PDS5B: variants seen among roughly 807,000 people sequenced by gnomAD.
PDS5B encodes PDS5 cohesin associated factor B.
A neutral mutation model predicts 184.1 loss-of-function variants in PDS5B; 51 were observed. The ratio of observed to expected loss-of-function variants is 0.28; its 90% CI spans 0.22 to 0.35. The LOEUF (loss-of-function observed/expected upper bound fraction) is 0.35. Ranked by LOEUF, PDS5B falls within the 10% of genes least tolerant of loss-of-function variation. The pLI is 1.00. For synonymous variants in PDS5B, 566 were observed against 569.2 expected, an observed-to-expected ratio of 0.99 and a Z score of 0.08; for missense variants, 1,180 against 1,723.3, an observed-to-expected ratio of 0.68 and a Z score of 5.58.
intron 10 of PDS5B, among the ~76,000 whole-genome samples, chr13:32,679,592 T>G (rs1293589736): frequency 6.6e-6 from 1 of 151,696 alleles, no homozygotes; most frequent in Non-Finnish European, 1.5e-5. Context: ...GCTGAGATTG[T>G]GCCATTGCAC....
chr13:32,690,634 A>G (rs1566332436), intron 13 of PDS5B: 1 of 152,206 alleles, frequency 6.6e-6, no homozygotes, highest in African/African-American at 2.4e-5. Flanking sequence ...TACACAAAGT[A>G]TAGTTGTTAT....
intron 18 of PDS5B, among the ~76,000 whole-genome samples, chr13:32,708,454 ATATCT>A (rs1156707899): frequency 1.3e-5 from 2 of 152,168 alleles, no homozygotes; most frequent in African/African-American, 4.8e-5. Flanking sequence ...TCTCTTGGTA[ATATCT>A]TATTTTTTAG....
chr13:32,673,612 G>A (rs1312853314), intron 8 of PDS5B, among the ~76,000 whole-genome samples: 2 of 152,104 alleles, frequency 1.3e-5, no homozygotes, highest in African/African-American at 2.4e-5. Context: ...ATAAATTCTA[G>A]GATTTGACTA....
intron 18 of PDS5B, among the ~76,000 whole-genome samples, chr13:32,708,734 A>C (rs769340959): frequency 1.3e-5 from 2 of 152,116 alleles, no homozygotes; most frequent in African/African-American, 4.8e-5. Flanking sequence ...TGTTTTCCCT[A>C]TGGTCATTTT....
rs1324382029 is a variant in PDS5B at position 32,667,803 on chromosome 13, C to A, written c.664C>A (p.Leu222Met). 1 of 1,596,242 alleles carries A rather than the reference C, an allele frequency of 6.3e-7. No individual in the cohort carries two copies. The highest frequency in any genetic ancestry group is 8.5e-7 in the Non-Finnish European group (1 of 1,172,732). ...AGCATATGATTTGGCAAAGGCTTTA[C>A]TGAAGAGGACAGCTCAAGCTATTGA... is the stretch of plus-strand genomic sequence containing the variant. Reference protein sequence around the residue: ...KQAYDLAKALLKRTAQAIEPY... With the variant: ...KQAYDLAKALMKRTAQAIEPY... The change falls in exon 7 of 35, where the codon CTG (leucine) becomes ATG (methionine). Residue 222 changes from leucine (L) to methionine (M), a missense_variant. By Grantham distance (15) the Leu-to-Met change is conservative (BLOSUM62 2). Around this residue, in one of 11 missense-constraint regions of PDS5B, gnomAD observed 79 missense variants for 124.6 expected, o/e 0.63. Transcript: ENST00000315596.
intron 26 of PDS5B, 128 bp from the exon 27 acceptor site, chr13:32,757,959 C>A (rs1330548886): frequency 5.8e-6 from 2 of 342,732 alleles, no homozygotes; most frequent in Non-Finnish European, 1.0e-5. Context: ...GTAACTGTTT[C>A]TTTTTTTTTT....
chr13:32,729,028 A>G (rs1411527307), intron 19 of PDS5B, among the ~76,000 whole-genome samples: 1 of 152,142 alleles, frequency 6.6e-6, no homozygotes, highest in Non-Finnish European at 1.5e-5. Flanking sequence ...TACTGCACCC[A>G]TCAACCTGTC....
At chr13:32,707,133 G>A (rs946393731) in intron 18 of PDS5B, 94 bp downstream of exon 18, 10 of 645,108 alleles carry the variant, frequency 1.6e-5, no homozygotes, top group Non-Finnish European at 2.0e-5. Context: ...TCTTAAGTTT[G>A]TATAATCCAA....
intron 5 of PDS5B, among the ~76,000 whole-genome samples, chr13:32,658,738 C>T (rs1950575841): frequency 6.6e-6 from 1 of 152,092 alleles, no homozygotes; most frequent in Admixed American, 6.5e-5. Context: ...GGCATAAGGC[C>T]AGTGTAAAAT....
intron 19 of PDS5B, among the ~76,000 whole-genome samples, chr13:32,719,249 C>G (rs1055270660): frequency 6.6e-6 from 1 of 152,166 alleles, no homozygotes; most frequent in Non-Finnish European, 1.5e-5. Flanking sequence ...GTGGCTCAAT[C>G]ATGGCCCACT....
intron 21 of PDS5B, among the ~76,000 whole-genome samples, chr13:32,739,328 G>T (rs1454135535): frequency 1.3e-5 from 2 of 151,856 alleles, no homozygotes. Flanking sequence ...CCACTGATGC[G>T]TTTGCCCATC....
At chr13:32,655,441 C>T (rs1214147204) in intron 3 of PDS5B, among the ~76,000 whole-genome samples, 9 of 136,740 alleles carry the variant, frequency 6.6e-5, no homozygotes, top group Admixed American at 4.0e-4. Context: ...TGCAGTGGTG[C>T]GATCTTGGCT....
chr13:32,741,970 C>A (rs980776722), intron 22 of PDS5B, among the ~76,000 whole-genome samples: 1 of 152,086 alleles, frequency 6.6e-6, no homozygotes, highest in Non-Finnish European at 1.5e-5. Flanking sequence ...TACCAACTTA[C>A]CAGTTGGTAG....
intron 10 of PDS5B, among the ~76,000 whole-genome samples, chr13:32,679,920 T>TGTGTCTG (rs60492142): frequency 6.6e-6 from 1 of 151,756 alleles, no homozygotes; most frequent in Non-Finnish European, 1.5e-5. Context: ...TGTGTGTCTG[T>TGTGTCTG]TTCTACACCT....
chr13:32,637,416 T>C (rs1345082488), intron 1 of PDS5B, among the ~76,000 whole-genome samples: 1 of 152,106 alleles, frequency 6.6e-6, no homozygotes, highest in African/African-American at 2.4e-5. Context: ...GAGGATTTTT[T>C]TGGAGGGAGA....
At chr13:32,722,222 G>A (rs1232122495) in intron 19 of PDS5B, among the ~76,000 whole-genome samples, 3 of 152,214 alleles carry the variant, frequency 2.0e-5, no homozygotes, top group Non-Finnish European at 2.9e-5. Flanking sequence ...CAGGCGTGGC[G>A]GCGCACGCCT....
chr13:32,614,033 A>G (rs1009540481), intron 1 of PDS5B, among the ~76,000 whole-genome samples: 1 of 152,140 alleles, frequency 6.6e-6, no homozygotes, highest in African/African-American at 2.4e-5. Context: ...TGGAAAATCA[A>G]TTGATTGTAA....
intron 21 of PDS5B, among the ~76,000 whole-genome samples, chr13:32,740,065 A>T (rs1204051496): frequency 6.6e-6 from 1 of 152,126 alleles, no homozygotes; most frequent in Non-Finnish European, 1.5e-5. Flanking sequence ...GTTATCTTTG[A>T]GTAATTCTTT....
intron 30 of PDS5B, among the ~76,000 whole-genome samples, chr13:32,764,158 A>G (rs1183034243): frequency 6.6e-6 from 1 of 152,150 alleles, no homozygotes; most frequent in Non-Finnish European, 1.5e-5. Flanking sequence ...AGGGTAAGGA[A>G]CCAGGGCAGG....
Sources: gnomAD v4.1 joint callset for allele counts (sites outside exome capture counted in the v4.1 genomes callset) on GRCh38, gnomAD v4.1.1 for gene constraint, gnomAD v4.1.1 regional missense constraint, MANE v1.5 for transcripts, NCBI Gene and HGNC (gene_info 2026-07-23, HGNC 2026-07-21) for gene names.